MAST2: variants seen among roughly 807,000 people sequenced by gnomAD.
MAST2 encodes the protein microtubule associated serine/threonine kinase 2, also known as microtubule-associated serine/threonine-protein kinase 2.
Under a neutral mutation model 147.4 loss-of-function variants are expected in MAST2, and 70 were observed. The ratio of observed to expected loss-of-function variants is 0.47; its 90% CI spans 0.39 to 0.58. MAST2 has a LOEUF of 0.58. Ranked by LOEUF, MAST2 falls within the 20% of genes least tolerant of loss-of-function variation. The probability of loss-of-function intolerance (pLI) is 0.00; values close to 1 mark genes in which losing one functional copy is unlikely to be tolerated. For synonymous variants in MAST2, 869 were observed against 896.8 expected (o/e 0.97, Z 0.55); for missense variants, 2,080 against 2,302.3 (o/e 0.90, Z 1.98).
intron 4 of MAST2, among the ~76,000 whole-genome samples, chr1:45,917,972 T>G (rs1652839154): frequency 6.6e-6 from 1 of 152,236 alleles, no homozygotes; most frequent in South Asian, 2.1e-4. Flanking sequence ...ATATTCAACA[T>G]TATTTGATTA....
At chr1:45,827,282 T>C (rs887571310) in intron 2 of MAST2, among the ~76,000 whole-genome samples, 2 of 152,216 alleles carry the variant, frequency 1.3e-5, no homozygotes, top group Non-Finnish European at 2.9e-5. Context: ...GAGGTTTTCT[T>C]TTTTTCTGTG....
chr1:45,940,004 GA>G (rs1336751168), intron 4 of MAST2, among the ~76,000 whole-genome samples: 3 of 6,362 alleles, frequency 4.7e-4, no homozygotes, highest in East Asian at 8.2e-3. Flanking sequence ...TTTTTTTTGA[GA>G]TGGAGTTTCG....
At chr1:45,990,597 A>T (rs970624531) in intron 5 of MAST2, among the ~76,000 whole-genome samples, 5 of 151,944 alleles carry the variant, frequency 3.3e-5, no homozygotes, top group African/African-American at 1.2e-4. Flanking sequence ...TGATCCTCCC[A>T]CCTCAGCCTC....
At chr1:45,851,138 CT>C in intron 3 of MAST2, among the ~76,000 whole-genome samples, 1 of 152,038 alleles carries the variant, frequency 6.6e-6, no homozygotes, top group Non-Finnish European at 1.5e-5. Flanking sequence ...CCTGTGATTT[CT>C]TTTAGCAGTG....
chr1:45,966,442 ACT>A (rs1361351253), intron 5 of MAST2, among the ~76,000 whole-genome samples: 1 of 151,910 alleles, frequency 6.6e-6, no homozygotes, highest in Non-Finnish European at 1.5e-5. Context: ...AAAAAAAAAA[ACT>A]CTTCAAGCTG....
At chr1:45,815,773 G>C (rs1644431940) in intron 1 of MAST2, among the ~76,000 whole-genome samples, 1 of 152,164 alleles carries the variant, frequency 6.6e-6, no homozygotes, top group Non-Finnish European at 1.5e-5. Context: ...GTTCAGCTGA[G>C]GAAAGTGGAG....
intron 7 of MAST2, among the ~76,000 whole-genome samples, chr1:46,004,358 T>C (rs1571167275): frequency 3.0e-5 from 2 of 65,920 alleles, no homozygotes; most frequent in African/African-American, 8.2e-5. Context: ...AGCAAGACTA[T>C]CTCAAAAAAA....
chr1:45,862,867 A>T (rs933687542), intron 3 of MAST2, among the ~76,000 whole-genome samples: 1 of 152,108 alleles, frequency 6.6e-6, no homozygotes, highest in African/African-American at 2.4e-5. Context: ...TGGCACTTCC[A>T]CTTGAAGCCT....
chr1:46,021,730 CA>C (rs1241691198), intron 11 of MAST2, among the ~76,000 whole-genome samples: 1 of 152,208 alleles, frequency 6.6e-6, no homozygotes, highest in African/African-American at 2.4e-5. Flanking sequence ...AGGAAGACAG[CA>C]TATGCTTAGC....
chr1:45,804,203 T>A, intron 1 of MAST2, 131 bp downstream of exon 1: 427 of 884,632 alleles, frequency 4.8e-4, no homozygotes, highest in Non-Finnish European at 5.8e-4. Flanking sequence ...GAGTGGGAGG[T>A]CTGGGGAGGC....
At chr1:46,033,777 C>T in intron 26 of MAST2, 25 bp from the exon 27 acceptor site, 1 of 1,612,538 alleles carries the variant, frequency 6.2e-7, no homozygotes, top group South Asian at 1.1e-5. Context: ...CCAGCTTAGC[C>T]TAGGCCTCAT....
At chr1:45,994,274 CTTTT>C (rs869216588) in intron 5 of MAST2, among the ~76,000 whole-genome samples, 102 of 62,024 alleles carry the variant, frequency 1.6e-3, no homozygotes, top group East Asian at 9.5e-3. Context: ...CCCTAACCCT[CTTTT>C]TTTTTTTTTT....
intron 3 of MAST2, among the ~76,000 whole-genome samples, chr1:45,858,091 A>G (rs967547613): frequency 1.1e-4 from 16 of 152,054 alleles, no homozygotes; most frequent in Non-Finnish European, 1.6e-4. Flanking sequence ...ATGTGTCTTT[A>G]TAGCAGCATG....
chr1:45,913,221 A>G (rs898499339), intron 4 of MAST2, among the ~76,000 whole-genome samples: 6 of 152,210 alleles, frequency 3.9e-5, no homozygotes, highest in Non-Finnish European at 8.8e-5. Flanking sequence ...GAGCCCTAAC[A>G]TTAAAGCCCT....
At chr1:45,995,056 G>C (rs1645002359) in intron 5 of MAST2, among the ~76,000 whole-genome samples, 1 of 152,010 alleles carries the variant, frequency 6.6e-6, no homozygotes, top group African/African-American at 2.4e-5. Flanking sequence ...TAACCAGGAT[G>C]GTCTCGATCT....
intron 1 of MAST2, among the ~76,000 whole-genome samples, chr1:45,807,205 T>G (rs1444636935): frequency 6.6e-6 from 1 of 152,212 alleles, no homozygotes; most frequent in African/African-American, 2.4e-5. Context: ...TTTTTAATAT[T>G]ATAATATCCA....
intron 4 of MAST2, among the ~76,000 whole-genome samples, chr1:45,929,014 G>A (rs1002928334): frequency 6.6e-6 from 1 of 152,014 alleles, no homozygotes; most frequent in African/African-American, 2.4e-5. Context: ...TTGGGTTGAG[G>A]GGGTGGGAAG....
rs768993422 is a variant in MAST2 at position 45,865,146 on chromosome 1, A to G, written c.469-17218A>G. ...GAGAAGGAGAGGGTTACAGGTGAGT[A>G]AAAGAAAACCTTTTTCACTGATCTC... On this transcript the variant is annotated intron_variant, in intron 3 of 28. Coordinates refer to ENST00000361297, the MANE Select transcript of MAST2 (RefSeq NM_015112.3). 3.7e-5 allele frequency: 17 copies of G among 456,542 alleles called. 1 individual carries two copies. The highest frequency in any genetic ancestry group is 2.6e-4 in the South Asian group (17 of 64,544). 28.3% of individuals were successfully genotyped at this position (456,542 alleles called of 1,614,324 possible). A position where few individuals can be genotyped will look rare whatever the true frequency, so the allele number is the denominator to read the frequency against.
At chr1:45,940,159 A>G (rs1467015010) in intron 4 of MAST2, among the ~76,000 whole-genome samples, 1 of 150,478 alleles carries the variant, frequency 6.6e-6, no homozygotes, top group Non-Finnish European at 1.5e-5. Context: ...CGCCTGGCTA[A>G]TTTTTGTATT....
Sources: gnomAD v4.1 joint callset for allele counts (sites outside exome capture counted in the v4.1 genomes callset) on GRCh38, gnomAD v4.1.1 for gene constraint, MANE v1.5 for transcripts, NCBI Gene and HGNC (gene_info 2026-07-23, HGNC 2026-07-21) for gene names.